EXOC4: variants seen among roughly 807,000 people sequenced by gnomAD.
The protein encoded by EXOC4 is exocyst complex component 4, also known as SEC8-like 1.
EXOC4 carries 71 observed loss-of-function variants against 107.2 expected under a neutral mutation model. That is an observed-to-expected ratio of 0.66 (90% confidence interval 0.55 to 0.81). The LOEUF (loss-of-function observed/expected upper bound fraction) is 0.81, where lower values mean the gene tolerates loss of function less well. EXOC4 is among the 30% of genes least tolerant of loss of function. The pLI is 0.00. For missense variants in EXOC4, 1,108 were observed against 1,189.6 expected (o/e 0.93, Z 1.01); for synonymous variants, 456 against 441.2 (o/e 1.03, Z -0.42).
intron 10 of EXOC4, among the ~76,000 whole-genome samples, chr7:133,809,319 T>G (rs1797159676): frequency 6.6e-6 from 1 of 152,254 alleles, no homozygotes; most frequent in Non-Finnish European, 1.5e-5. Context: ...CAATATTAAA[T>G]GTGACAGTAG....
At chr7:133,326,535 C>G (rs1021634385) in intron 5 of EXOC4, among the ~76,000 whole-genome samples, 1 of 152,196 alleles carries the variant, frequency 6.6e-6, no homozygotes, top group African/African-American at 2.4e-5. Flanking sequence ...TATTGCTGAA[C>G]AGCAAATGTT....
In EXOC4 at chr7:133,256,075, G is replaced by A. The variant is rs150914968; in HGVS notation, c.86+2888G>A. On this transcript the variant is annotated intron_variant, in intron 1 of 17. Transcript: ENST00000253861. ...TGGCTCACTGCAAGCTCCGCCTTCC[G>A]GGTTCACACCATTCTCCTGCCTCAA... 3.5e-3 allele frequency among the ~76,000 whole-genome samples: 527 copies of A among 151,700 alleles called. 5 individuals are homozygous for A. Among genetic ancestry groups the A allele is most frequent in the African/African-American group, 0.012 (504 of 41,338 alleles).
At chr7:133,386,081 G>T (rs1278942779) in intron 7 of EXOC4, among the ~76,000 whole-genome samples, 2 of 151,908 alleles carry the variant, frequency 1.3e-5, no homozygotes, top group South Asian at 2.1e-4. Flanking sequence ...TTACTGTGTG[G>T]ATTTCAAGTT....
chr7:133,436,668 T>A (rs1797983021), intron 7 of EXOC4, among the ~76,000 whole-genome samples: 1 of 152,166 alleles, frequency 6.6e-6, no homozygotes, highest in Admixed American at 6.5e-5. Context: ...CACATACCCT[T>A]CGTGTGTACG....
At chr7:133,608,050 G>A (rs1411342301) in intron 9 of EXOC4, among the ~76,000 whole-genome samples, 4 of 152,144 alleles carry the variant, frequency 2.6e-5, no homozygotes, top group Non-Finnish European at 5.9e-5. Flanking sequence ...TCCGGCATTT[G>A]TTAGTAGAAT....
At chr7:133,340,780 T>C (rs567672071) in intron 5 of EXOC4, among the ~76,000 whole-genome samples, 2 of 152,248 alleles carry the variant, frequency 1.3e-5, no homozygotes, top group African/African-American at 4.8e-5. Context: ...CAGGAACTTA[T>C]CCATCTCCTG....
chr7:133,253,283 C>CCCGT, intron 1 of EXOC4, 96 bp downstream of exon 1: 1 of 1,464,014 alleles, frequency 6.8e-7, no homozygotes, highest in Non-Finnish European at 9.1e-7. Flanking sequence ...ACCCTGCTCT[C>CCCGT]CCCTTTCCTC....
rs184045999 is a variant in EXOC4, at chr7:133,752,742, A to G, written c.1515-64583A>G. Among the ~76,000 whole-genome samples the G allele has an allele frequency of 2.0e-5, 3 of 152,336 alleles. No individual in the cohort carries two copies. The East Asian group carries it at 5.8e-4, about 29-fold the overall frequency. On this transcript the variant is annotated intron_variant, in intron 10 of 17. Transcript: ENST00000253861. ...ATCAGTCTTTCTTTTTTGATGGGGT[A>G]TGGAGAGAAGGCACAAGTAACTTGA...
chr7:133,984,817 A>G (rs1433265857), intron 14 of EXOC4, among the ~76,000 whole-genome samples: 1 of 152,186 alleles, frequency 6.6e-6, no homozygotes, highest in Non-Finnish European at 1.5e-5. Context: ...GGTCCTCACA[A>G]CAACTCCCTA....
At chr7:133,819,000 T>C (rs1797442807) in intron 11 of EXOC4, among the ~76,000 whole-genome samples, 2 of 151,958 alleles carry the variant, frequency 1.3e-5, no homozygotes, top group South Asian at 2.1e-4. Flanking sequence ...GGGTGGGTGA[T>C]TTCTTCTCCC....
chr7:133,491,295 A>G (rs975224445), intron 9 of EXOC4, among the ~76,000 whole-genome samples: 1 of 152,242 alleles, frequency 6.6e-6, no homozygotes, highest in African/African-American at 2.4e-5. Context: ...AGTAATTTGC[A>G]TATTCATGCC....
At chr7:133,604,953 G>C (rs554362761) in intron 9 of EXOC4, among the ~76,000 whole-genome samples, 3 of 151,882 alleles carry the variant, frequency 2.0e-5, no homozygotes, top group African/African-American at 7.2e-5. Flanking sequence ...AAGAACTCCT[G>C]ACCTCAGGTG....
At position 133,531,977 on chromosome 7, in the gene EXOC4, C is replaced by T. The variant is rs28703103; in HGVS notation, c.1417+51839C>T. On this transcript the variant is annotated intron_variant, in intron 9 of 17. Coordinates refer to ENST00000253861, the MANE Select transcript of EXOC4 (RefSeq NM_021807.4). ...TGGGAGTGGAACCCAAGTCTAAACA[C>T]GAAATTCATTTGTTTTTTATATACA... is the stretch of plus-strand genomic sequence containing the variant. Among the ~76,000 whole-genome samples the T allele has an allele frequency of 9.3e-4, 142 of 152,002 alleles. 1 individual carries two copies. The highest frequency in any genetic ancestry group is 3.2e-3 in the African/African-American group (134 of 41,490).
At chr7:133,615,533 A>G (rs1230211789) in intron 9 of EXOC4, among the ~76,000 whole-genome samples, 1 of 152,146 alleles carries the variant, frequency 6.6e-6, no homozygotes, top group Non-Finnish European at 1.5e-5. Context: ...TTTGACTGGA[A>G]TGGGAGAAGC....
chr7:133,672,387 T>C (rs1390566858), intron 10 of EXOC4, among the ~76,000 whole-genome samples: 1 of 147,932 alleles, frequency 6.8e-6, no homozygotes, highest in Non-Finnish European at 1.5e-5. Context: ...TGAGACTCCG[T>C]TTAAAAAAAA....
chr7:133,555,472 CACAG>C (rs1445109253), intron 9 of EXOC4, among the ~76,000 whole-genome samples: 5 of 152,124 alleles, frequency 3.3e-5, no homozygotes, highest in Non-Finnish European at 7.4e-5. Flanking sequence ...TTGAAAGACA[CACAG>C]ACAGAAAGAG....
chr7:133,473,301 T>A (rs1189596197), intron 7 of EXOC4, among the ~76,000 whole-genome samples: 1 of 152,202 alleles, frequency 6.6e-6, no homozygotes, highest in Non-Finnish European at 1.5e-5. Flanking sequence ...TTCATCCACA[T>A]ACCGAATAAT....
chr7:133,431,934 T>C (rs73724582), intron 7 of EXOC4, among the ~76,000 whole-genome samples: 10,769 of 152,260 alleles, frequency 0.071, 1,287 homozygotes, highest in African/African-American at 0.24. Flanking sequence ...GGGAGCAGAC[T>C]ATTAAAATAC....
chr7:133,978,617 G>T (rs962602064), intron 14 of EXOC4, among the ~76,000 whole-genome samples: 1 of 152,184 alleles, frequency 6.6e-6, no homozygotes. Context: ...TTAGACAGCC[G>T]TTGGAAGGAT....
Sources: allele counts gnomAD v4.1 joint callset (sites outside exome capture counted in the v4.1 genomes callset), GRCh38; gene constraint gnomAD v4.1.1; transcripts MANE v1.5; gene names NCBI Gene and HGNC (gene_info 2026-07-23, HGNC 2026-07-21).